The following NEGR1 variants were observed in gnomAD, a reference collection of about 807,000 sequenced individuals.
NEGR1 encodes IgLON family member 4.
NEGR1 carries 10 observed loss-of-function variants against 40.9 expected under a neutral mutation model. The ratio of observed to expected loss-of-function variants is 0.24; its 90% CI spans 0.15 to 0.42. The LOEUF (loss-of-function observed/expected upper bound fraction) is 0.42, where lower values mean the gene tolerates loss of function less well. NEGR1 is among the 10% of genes least tolerant of loss of function. NEGR1 has a pLI of 1.00. For synonymous variants in NEGR1, 185 were observed against 166.8 expected, an observed-to-expected ratio of 1.11 and a Z score of -0.84; for missense variants, 352 against 438.9, an observed-to-expected ratio of 0.80 and a Z score of 1.77.
chr1:72,167,695 C>G (rs1386463292), intron 1 of NEGR1, among the ~76,000 whole-genome samples: 1 of 151,892 alleles, frequency 6.6e-6, no homozygotes, highest in South Asian at 2.1e-4. Flanking sequence ...ACTGTCTTTT[C>G]TTTTTTCCCT....
rs191474993 is a variant in NEGR1, at chr1:71,546,949, C to G, written c.940+45868G>C. Among the ~76,000 whole-genome samples, 677 of 151,814 alleles carry G rather than the reference C, an allele frequency of 4.5e-3. 4 individuals are homozygous for G. Among genetic ancestry groups the G allele is most frequent in the Non-Finnish European group, 6.8e-3 (463 of 67,762 alleles). ...ATATCTTTTCTAGCTCCTAGTCAAT[C>G]AGGCCGCAAATTTAGATGGACCATA... On this transcript the variant is annotated intron_variant, in intron 6 of 6. Coordinates refer to ENST00000357731, the MANE Select transcript of NEGR1 (RefSeq NM_173808.3).
intron 1 of NEGR1, among the ~76,000 whole-genome samples, chr1:72,272,838 T>A (rs17092521): frequency 0.013 from 1,926 of 152,126 alleles, 41 homozygotes; most frequent in African/African-American, 0.044. Context: ...TATAAGCATC[T>A]TCCCTAAATT....
At chr1:72,266,274 A>T (rs1188962927) in intron 1 of NEGR1, among the ~76,000 whole-genome samples, 1 of 150,972 alleles carries the variant, frequency 6.6e-6, no homozygotes, top group Non-Finnish European at 1.5e-5. Flanking sequence ...GTTAACTAAT[A>T]ACAAATTTTA....
intron 6 of NEGR1, among the ~76,000 whole-genome samples, chr1:71,511,790 A>G (rs1647075104): frequency 6.6e-6 from 1 of 152,230 alleles, no homozygotes; most frequent in South Asian, 2.1e-4. Context: ...AGACACACAA[A>G]GTCAATATTA....
intron 6 of NEGR1, among the ~76,000 whole-genome samples, chr1:71,553,914 G>A (rs1648166877): frequency 6.6e-6 from 1 of 151,274 alleles, no homozygotes; most frequent in South Asian, 2.1e-4. Context: ...ATTTCCTTTT[G>A]ATGATAGAAA....
intron 2 of NEGR1, among the ~76,000 whole-genome samples, chr1:71,784,870 C>T (rs1414045365): frequency 6.6e-6 from 1 of 152,148 alleles, no homozygotes; most frequent in Non-Finnish European, 1.5e-5. Flanking sequence ...TTTTAGAGAG[C>T]TTAACATTTA....
At chr1:72,282,267 G>A (rs929275559) in intron 1 of NEGR1, 52 bp downstream of exon 1, 10 of 1,600,170 alleles carry the variant, frequency 6.2e-6, no homozygotes, top group Middle Eastern at 3.3e-4. Flanking sequence ...GGTTCAAAGA[G>A]AGACAGAAAG....
chr1:72,281,744 T>A (rs1008688857), intron 1 of NEGR1, among the ~76,000 whole-genome samples: 1 of 149,996 alleles, frequency 6.7e-6, no homozygotes, highest in Non-Finnish European at 1.5e-5. Flanking sequence ...AGAAAAGGTA[T>A]GAAAAGAGAT....
chr1:71,697,815 G>T, intron 4 of NEGR1, 193 bp downstream of exon 4: 1 of 567,716 alleles, frequency 1.8e-6, no homozygotes, highest in Non-Finnish European at 3.1e-6. Flanking sequence ...ATTATTGTGG[G>T]TTTACTTGGG....
intron 6 of NEGR1, among the ~76,000 whole-genome samples, chr1:71,590,447 C>T (rs1033962555): frequency 5.3e-5 from 8 of 151,978 alleles, no homozygotes; most frequent in East Asian, 1.9e-4. Flanking sequence ...ACTTCTCACT[C>T]ATCTGAGAAC....
intron 2 of NEGR1, among the ~76,000 whole-genome samples, chr1:71,779,401 A>G (rs1656621720): frequency 6.6e-6 from 1 of 152,284 alleles, no homozygotes; most frequent in African/African-American, 2.4e-5. Context: ...AATATTTTCC[A>G]CATTTTCCTT....
intron 5 of NEGR1, among the ~76,000 whole-genome samples, chr1:71,602,092 G>T (rs1046810944): frequency 5.9e-5 from 9 of 151,932 alleles, no homozygotes; most frequent in Non-Finnish European, 1.3e-4. Flanking sequence ...TAACATTTAA[G>T]ACCCTCCAAG....
chr1:72,186,937 C>A (rs1434045724), intron 1 of NEGR1, among the ~76,000 whole-genome samples: 1 of 151,548 alleles, frequency 6.6e-6, no homozygotes, highest in East Asian at 1.9e-4. Flanking sequence ...CATATTGTTA[C>A]TTTTCTCTCC....
intron 2 of NEGR1, among the ~76,000 whole-genome samples, chr1:71,895,241 G>C (rs1288391275): frequency 6.6e-6 from 1 of 151,978 alleles, no homozygotes; most frequent in African/African-American, 2.4e-5. Context: ...CTATTTCCTA[G>C]GTACAGAGCT....
chr1:72,242,901 A>G (rs1026567), intron 1 of NEGR1, among the ~76,000 whole-genome samples: 66,960 of 151,248 alleles, frequency 0.44, 15,215 homozygotes, highest in Non-Finnish European at 0.48. Context: ...GAGAAGAGGG[A>G]AAAACTTGCT....
Position 71,702,580 on chromosome 1 carries a change from T to A in NEGR1, c.536-4441A>T, listed in dbSNP as rs184613014. ...TAAGTTAAAAAGTATTAGAATATTT[T>A]AAAGAATCACATTTCTAAATATTAC... On this transcript the variant is annotated intron_variant, in intron 3 of 6. Transcript: ENST00000357731. Among the ~76,000 whole-genome samples, 297 of 152,134 alleles carry A rather than the reference T, an allele frequency of 2.0e-3. 1 individual carries two copies. Among genetic ancestry groups the A allele is most frequent in the African/African-American group, 6.7e-3 (279 of 41,538 alleles).
Position 71,691,505 on chromosome 1 carries a change from G to A in NEGR1, c.667+6503C>T, listed in dbSNP as rs541724977. ...GGTTGGCATTGTTCTCACTATTATC[G>A]TTTTAATCTCTTCTCTTACTCTTGC... On this transcript the variant is annotated intron_variant, in intron 4 of 6. Transcript: ENST00000357731. Among the ~76,000 whole-genome samples, 7 of 150,950 alleles carry A rather than the reference G, an allele frequency of 4.6e-5. No homozygotes were observed. The East Asian group carries it at 5.9e-4, about 13-fold the overall frequency.
intron 3 of NEGR1, among the ~76,000 whole-genome samples, chr1:71,741,075 G>A (rs963903025): frequency 5.3e-5 from 8 of 152,216 alleles, no homozygotes; most frequent in South Asian, 2.1e-4. Context: ...CATTCATGGC[G>A]TCTTAGGCAT....
intron 6 of NEGR1, among the ~76,000 whole-genome samples, chr1:71,520,140 T>C (rs746876678): frequency 6.6e-6 from 1 of 152,076 alleles, no homozygotes; most frequent in Non-Finnish European, 1.5e-5. Flanking sequence ...TGACCATACT[T>C]ATTAGCTCTC....
Sources: gnomAD v4.1 joint callset for allele counts (sites outside exome capture counted in the v4.1 genomes callset) on GRCh38, gnomAD v4.1.1 for gene constraint, MANE v1.5 for transcripts, NCBI Gene and HGNC (gene_info 2026-07-23, HGNC 2026-07-21) for gene names.